Variants in HIVEP1 observed in about 807,000 individuals in gnomAD.
The protein encoded by HIVEP1 is HIVEP zinc finger 1.
Under a neutral mutation model 180.0 loss-of-function variants are expected in HIVEP1, and 36 were observed. The ratio of observed to expected loss-of-function variants is 0.20; its 90% CI spans 0.15 to 0.26. The LOEUF (loss-of-function observed/expected upper bound fraction) is 0.26, where lower values mean the gene tolerates loss of function less well. Ranked by LOEUF, HIVEP1 falls within the 10% of genes least tolerant of loss-of-function variation. The probability of loss-of-function intolerance (pLI) is 1.00; values close to 1 mark genes in which losing one functional copy is unlikely to be tolerated. For missense variants in HIVEP1, 3,143 were observed against 3,268.7 expected (o/e 0.96, Z 0.94); for synonymous variants, 1,239 against 1,239.0 (o/e 1.00, Z 0.00).
intron 2 of HIVEP1, among the ~76,000 whole-genome samples, chr6:12,025,428 G>T (rs1330548415): frequency 6.6e-6 from 1 of 152,072 alleles, no homozygotes; most frequent in Non-Finnish European, 1.5e-5. Context: ...TCTTTAAGAG[G>T]GAAAGAATAG....
chr6:12,058,059 A>G (rs768184651), intron 2 of HIVEP1, among the ~76,000 whole-genome samples: 1 of 152,228 alleles, frequency 6.6e-6, no homozygotes, highest in Non-Finnish European at 1.5e-5. Context: ...TTTAGAGTAC[A>G]TAAGTCCCTG....
chr6:12,058,260 A>G (rs973961552), intron 2 of HIVEP1, among the ~76,000 whole-genome samples: 2 of 152,188 alleles, frequency 1.3e-5, no homozygotes, highest in African/African-American at 4.8e-5. Flanking sequence ...TATATACTGC[A>G]TTTATAAAGT....
At chr6:12,140,114 G>C (rs539628198) in intron 7 of HIVEP1, among the ~76,000 whole-genome samples, 2 of 152,328 alleles carry the variant, frequency 1.3e-5, no homozygotes, top group East Asian at 3.9e-4. Context: ...ATACAGGCGG[G>C]TACCCCTCTG....
intron 2 of HIVEP1, among the ~76,000 whole-genome samples, chr6:12,019,805 A>T (rs1449615236): frequency 6.6e-6 from 1 of 152,178 alleles, no homozygotes; most frequent in Non-Finnish European, 1.5e-5. Context: ...ATCCCTACGG[A>T]TGTGCAAAGC....
At chr6:12,014,802 A>G (rs770016373) in intron 1 of HIVEP1, among the ~76,000 whole-genome samples, 4 of 152,226 alleles carry the variant, frequency 2.6e-5, no homozygotes, top group African/African-American at 9.6e-5. Context: ...GCAGTAACAA[A>G]TAACTCTCAA....
chr6:12,061,884 G>A (rs1193114512), intron 2 of HIVEP1, among the ~76,000 whole-genome samples: 1 of 152,112 alleles, frequency 6.6e-6, no homozygotes, highest in African/African-American at 2.4e-5. Flanking sequence ...GAAATCCTAT[G>A]ATGTATTAAA....
At chr6:12,029,580 C>A (rs77277018) in intron 2 of HIVEP1, among the ~76,000 whole-genome samples, 3,040 of 151,676 alleles carry the variant, frequency 0.02, 109 homozygotes, top group Admixed American at 0.094. Context: ...TTTGTTTTTA[C>A]TATACTTTTG....
chr6:12,100,047 TATC>T (rs1465454593), intron 3 of HIVEP1, among the ~76,000 whole-genome samples: 1 of 152,250 alleles, frequency 6.6e-6, no homozygotes, highest in Non-Finnish European at 1.5e-5. Context: ...TATTTTGTGA[TATC>T]ATAACATCTT....
At chr6:12,045,046 G>C (rs1770037488) in intron 2 of HIVEP1, among the ~76,000 whole-genome samples, 1 of 152,268 alleles carries the variant, frequency 6.6e-6, no homozygotes, top group African/African-American at 2.4e-5. Context: ...TGGCTATTTA[G>C]ATGAGTTGTT....
intron 3 of HIVEP1, among the ~76,000 whole-genome samples, chr6:12,111,183 G>A (rs116790151): frequency 0.011 from 1,606 of 152,334 alleles, 30 homozygotes; most frequent in African/African-American, 0.036. Flanking sequence ...AAAGTTTGAA[G>A]TATTGCAAGA....
chr6:12,123,446 A>G lies in HIVEP1; in HGVS notation c.3651A>G (p.Arg1217=). The G allele has an allele frequency of 6.2e-7, 1 of 1,614,238 alleles. No individual in the cohort carries two copies. Among genetic ancestry groups the G allele is most frequent in the Non-Finnish European group, 8.5e-7 (1 of 1,180,038 alleles). The change falls in exon 4 of 9, where the codon CGA becomes CGG. Residue 1217 remains arginine, a synonymous_variant. Transcript: ENST00000379388. ...QESSRKSPSE[R]HVLGQPSRLV... ...GCTCCAGAAAGAGTCCAAGTGAACGACATGTGTTAGGACAGCCCTCAAGAC... is the reference window on the plus strand; with the variant it reads ...GCTCCAGAAAGAGTCCAAGTGAACGGCATGTGTTAGGACAGCCCTCAAGAC...
In HIVEP1 at chr6:12,122,593, T is replaced by C. The variant is rs1318226075; in HGVS notation, c.2798T>C (p.Met933Thr). 6 of 1,614,038 alleles carry C rather than the reference T, an allele frequency of 3.7e-6. No individual in the cohort carries two copies. In the East Asian group the frequency reaches 1.1e-4, roughly 30 times the overall value. ...GGATGCCATGCTGCTGGTGAAGCCATGTCAGTGAGGAGCAAGGCACTGGCA... is the reference window on the plus strand; with the variant it reads ...GGATGCCATGCTGCTGGTGAAGCCACGTCAGTGAGGAGCAAGGCACTGGCA... ...HQGCHAAGEA[M>T]SVRSKALAQG... Residue 933 changes from methionine to threonine, a missense_variant, in exon 4 of 9, where the codon ATG (methionine) becomes ACG (threonine). By Grantham distance (81) the Met-to-Thr change is moderately conservative. This residue lies in a region of HIVEP1 where 204 missense variants were observed against 243.7 expected (regional missense o/e 0.84). Transcript: ENST00000379388.
the HIVEP1 span, among the ~76,000 whole-genome samples, chr6:12,188,971 AAT>A: frequency 6.6e-6 from 1 of 152,002 alleles, no homozygotes; most frequent in South Asian, 2.1e-4. Flanking sequence ...ATTATTGACA[AAT>A]ATATATCCCT....
chr6:12,133,914 G>T (rs930892173), intron 6 of HIVEP1, among the ~76,000 whole-genome samples: 1 of 151,714 alleles, frequency 6.6e-6, no homozygotes, highest in Non-Finnish European at 1.5e-5. Context: ...GGAGATGGAG[G>T]TTGCAGTGAG....
At chr6:12,103,214 A>G (rs1774215237) in intron 3 of HIVEP1, among the ~76,000 whole-genome samples, 1 of 146,640 alleles carries the variant, frequency 6.8e-6, no homozygotes, top group Non-Finnish European at 1.5e-5. Context: ...AATAATAATA[A>G]TATCAACAGA....
intron 7 of HIVEP1, among the ~76,000 whole-genome samples, chr6:12,139,527 C>A (rs952618571): frequency 7.4e-4 from 113 of 152,234 alleles, no homozygotes; most frequent in Non-Finnish European, 7.3e-5. Context: ...CAAAGCAGGG[C>A]AAGGCATCGC....
At chr6:12,092,690 T>C (rs1381655532) in intron 3 of HIVEP1, among the ~76,000 whole-genome samples, 1 of 152,200 alleles carries the variant, frequency 6.6e-6, no homozygotes, top group Non-Finnish European at 1.5e-5. Flanking sequence ...GTTTAGTCTT[T>C]TTTTTCCTAA....
intron 2 of HIVEP1, chr6:12,039,217 T>A (rs138675664): frequency 6.6e-6 from 1 of 152,374 alleles, no homozygotes; most frequent in East Asian, 1.9e-4. Flanking sequence ...AAGCTTTTAT[T>A]TTGTTGATTA....
the HIVEP1 span, among the ~76,000 whole-genome samples, chr6:12,188,338 T>A: frequency 6.6e-6 from 1 of 152,210 alleles, no homozygotes; most frequent in Non-Finnish European, 1.5e-5. Context: ...ATATGTTCCT[T>A]GAGCTTTCAA....
Sources: allele counts gnomAD v4.1 joint callset (sites outside exome capture counted in the v4.1 genomes callset), GRCh38; gene constraint gnomAD v4.1.1; regional missense constraint gnomAD v4.1.1; transcripts MANE v1.5; gene names NCBI Gene and HGNC (gene_info 2026-07-23, HGNC 2026-07-21).